Variants in BCAR1 observed in about 807,000 individuals in gnomAD.
BCAR1 encodes the protein breast cancer anti-estrogen resistance protein 1.
A neutral mutation model predicts 67.6 loss-of-function variants in BCAR1; 30 were observed. That is an observed-to-expected ratio of 0.44 (90% confidence interval 0.33 to 0.60). The LOEUF is 0.60. Ranked by LOEUF, BCAR1 falls within the 20% of genes least tolerant of loss-of-function variation. The probability of loss-of-function intolerance (pLI) is 0.02; values close to 1 mark genes in which losing one functional copy is unlikely to be tolerated. For missense variants in BCAR1, 1,313 were observed against 1,222.3 expected, an observed-to-expected ratio of 1.07 and a Z score of -1.11; for synonymous variants, 626 against 556.7, an observed-to-expected ratio of 1.12 and a Z score of -1.75.
chr16:75,266,715 C>T, intron 1 of BCAR1: 1 of 1,412,916 alleles, frequency 7.1e-7, no homozygotes, highest in Non-Finnish European at 9.4e-7. Context: ...ATCCCTCACC[C>T]ACTCAAAGGA....
At chr16:75,231,964 C>T (rs2076914701) in intron 6 of BCAR1, among the ~76,000 whole-genome samples, 2 of 152,156 alleles carry the variant, frequency 1.3e-5, no homozygotes, top group Admixed American at 1.3e-4. Flanking sequence ...TCACCGCAAC[C>T]TCCGCCTCCT....
At chr16:75,265,554 C>T (rs2077989969) in intron 1 of BCAR1, among the ~76,000 whole-genome samples, 1 of 152,124 alleles carries the variant, frequency 6.6e-6, no homozygotes, top group East Asian at 1.9e-4. Flanking sequence ...AGAGTCTTCC[C>T]GACCTAGCCA....
At chr16:75,236,019 C>A in intron 4 of BCAR1, 33 bp from the exon 5 acceptor site, 1 of 1,540,110 alleles carries the variant, frequency 6.5e-7, no homozygotes, top group Non-Finnish European at 8.8e-7. Flanking sequence ...GACTGTCCAT[C>A]TGTCCATCTG....
chr16:75,264,611 C>T, intron 1 of BCAR1: 1 of 1,279,582 alleles, frequency 7.8e-7, no homozygotes, highest in African/African-American at 1.5e-5. Flanking sequence ...TCTGTAAATA[C>T]ATTACCACTT....
chr16:75,239,096 G>C (rs1597208740), intron 2 of BCAR1: 2 of 985,428 alleles, frequency 2.0e-6, no homozygotes, highest in African/African-American at 3.5e-5. Context: ...GGCAGCCACA[G>C]TGACCAAATG....
intron 2 of BCAR1, among the ~76,000 whole-genome samples, chr16:75,240,558 C>A (rs1282520910): frequency 6.6e-6 from 1 of 152,224 alleles, no homozygotes; most frequent in Non-Finnish European, 1.5e-5. Context: ...AAACACAGGG[C>A]AGATACTAGA....
chr16:75,247,811 A>C (rs770040116), intron 1 of BCAR1: 2 of 549,992 alleles, frequency 3.6e-6, no homozygotes, highest in Non-Finnish European at 6.5e-6. Flanking sequence ...CACCCAGCAA[A>C]TATGACCTCA....
At chr16:75,258,050 C>T (rs2077821874) in intron 1 of BCAR1, among the ~76,000 whole-genome samples, 1 of 152,198 alleles carries the variant, frequency 6.6e-6, no homozygotes, top group Admixed American at 6.5e-5. Context: ...CACAGGTGGC[C>T]GGCAAACACA....
rs778897490 is a variant in BCAR1, at chr16:75,235,283, G to A, written c.1616C>T (p.Ala539Val). The A allele has an allele frequency of 3.1e-6, 5 of 1,606,128 alleles. No homozygotes were observed. Among genetic ancestry groups the A allele is most frequent in the Non-Finnish European group, 3.4e-6 (4 of 1,174,676 alleles). Residue 539 changes from alanine (A) to valine (V), a missense_variant, in exon 5 of 7, where the codon GCC becomes GTC. This residue lies in a region of BCAR1 where 1,272 missense variants were observed against 1,137.5 expected (regional missense o/e 1.12). Transcript: ENST00000162330. Reference sequence around the variant, plus strand: ...CTTCTGCAGCTGCCGGCTAAGCTTGGCATGCAGGGCACGGTCAGATGTGTG... The same window carrying A: ...CTTCTGCAGCTGCCGGCTAAGCTTGACATGCAGGGCACGGTCAGATGTGTG... ...AAHTSDRALH[A>V]KLSRQLQKME...
intron 2 of BCAR1, among the ~76,000 whole-genome samples, chr16:75,237,747 C>A (rs557386764): frequency 1.3e-5 from 2 of 152,316 alleles, no homozygotes; most frequent in East Asian, 3.9e-4. Flanking sequence ...CCCCACAGGA[C>A]AAGAGGCCAC....
rs1303648791 is a variant in BCAR1, at chr16:75,258,186, C to T, written c.66+9729G>A. ...CCTACCCCATGTGCTAAGCCCATCC[C>T]GCAACCAAGCCCTCCCTGCTCTCCC... On this transcript the variant is annotated intron_variant, in intron 1 of 6. Coordinates refer to the BCAR1 transcript ENST00000393422. Among the ~76,000 whole-genome samples the T allele has an allele frequency of 5.9e-5, 9 of 152,224 alleles. 1 individual carries two copies. The highest frequency in any genetic ancestry group is 5.8e-4 in the East Asian group (3 of 5,196).
intron 1 of BCAR1, among the ~76,000 whole-genome samples, chr16:75,267,170 G>C (rs1345082224): frequency 6.6e-6 from 1 of 152,214 alleles, no homozygotes; most frequent in Non-Finnish European, 1.5e-5. Flanking sequence ...CAAGAGGCCA[G>C]CAGCAATGAG....
chr16:75,263,573 G>A (rs919350410), intron 1 of BCAR1: 127 of 985,272 alleles, frequency 1.3e-4, no homozygotes, highest in Non-Finnish European at 1.4e-4. Context: ...GCTGATCCCC[G>A]GCATCTCCCC....
rs2077383290 is a variant in BCAR1 at position 75,242,583 on chromosome 16, G to T, written c.520C>A (p.Pro174Thr). 6.7e-7 allele frequency: 1 copy of T among 1,494,130 alleles called. No homozygotes were observed. The highest frequency in any genetic ancestry group is 8.9e-7 in the Non-Finnish European group (1 of 1,122,244). 92.6% of individuals were successfully genotyped at this position (1,494,130 alleles called of 1,614,324 possible). Reference protein sequence around the residue: ...LYQVPPGPGGPAQDIYQVPPS... With the variant: ...LYQVPPGPGGTAQDIYQVPPS... ...GGCACCTGGTAAATATCCTGGGCAG[G>T]GCCTCCAGGCCCTGGGGGCACCTGG... is the stretch of plus-strand genomic sequence containing the variant. The change falls in exon 2 of 7, where the codon CCT (proline) becomes ACT (threonine). Residue 174 changes from proline (P) to threonine (T), a missense_variant. Around this residue, in one of 2 missense-constraint regions of BCAR1, gnomAD observed 1,272 missense variants for 1,137.5 expected, o/e 1.12. Coordinates refer to ENST00000162330, the MANE Select transcript of BCAR1 (RefSeq NM_014567.5).
chr16:75,235,715 A>G lies in BCAR1; in HGVS notation c.1184T>C (p.Leu395Pro), dbSNP rs764154980. 3 of 1,609,564 alleles carry G rather than the reference A, an allele frequency of 1.9e-6. No individual in the cohort carries two copies. The highest frequency in any genetic ancestry group is 2.5e-6 in the Non-Finnish European group (3 of 1,177,886). Residue 395 changes from leucine to proline, a missense_variant, in exon 5 of 7, where the codon CTT (leucine) becomes CCT (proline). Coordinates refer to ENST00000162330, the MANE Select transcript of BCAR1 (RefSeq NM_014567.5). ...GCCACCATCAGCCACCTCAGGAGGA[A>G]GCACCCGTTCACGGGGCACATCGTA... ...TLYDVPRERVLPPEVADGGVV... is the reference protein window; with the variant it reads ...TLYDVPRERVPPPEVADGGVV...
At chr16:75,234,033 G>C in intron 5 of BCAR1, 98 bp from the exon 6 acceptor site, 2 of 1,149,164 alleles carry the variant, frequency 1.7e-6, no homozygotes, top group Non-Finnish European at 2.5e-6. Context: ...TGGCCACCAG[G>C]TGGTGCTGCG....
At chr16:75,266,607 G>T in intron 1 of BCAR1, 3 of 765,960 alleles carry the variant, frequency 3.9e-6, no homozygotes, top group Non-Finnish European at 5.4e-6. Flanking sequence ...CATGGCACCT[G>T]CAGCCACTGG....
At chr16:75,232,371 G>T (rs113759499) in intron 6 of BCAR1, among the ~76,000 whole-genome samples, 22,161 of 152,030 alleles carry the variant, frequency 0.15, 1,711 homozygotes, top group Middle Eastern at 0.23. Flanking sequence ...TGTTGACCAG[G>T]CTGGTCTCAA....
At chr16:75,231,677 G>T (rs913279503) in intron 6 of BCAR1, among the ~76,000 whole-genome samples, 1 of 152,130 alleles carries the variant, frequency 6.6e-6, no homozygotes, top group African/African-American at 2.4e-5. Context: ...CATCAGATAC[G>T]TGCAAAGACT....
Sources: allele counts gnomAD v4.1 joint callset (sites outside exome capture counted in the v4.1 genomes callset), GRCh38; gene constraint gnomAD v4.1.1; regional missense constraint gnomAD v4.1.1; transcripts MANE v1.5; gene names NCBI Gene and HGNC (gene_info 2026-07-23, HGNC 2026-07-21).